The following APBB2 variants were observed in gnomAD, a reference collection of about 807,000 sequenced individuals.
APBB2 encodes amyloid beta precursor protein binding family B member 2.
Under a neutral mutation model 82.5 loss-of-function variants are expected in APBB2, and 38 were observed. That is an observed-to-expected ratio of 0.46 (90% CI 0.36 to 0.60). APBB2 has a LOEUF of 0.60. Ranked by LOEUF, APBB2 falls within the 20% of genes least tolerant of loss-of-function variation. The pLI, the probability that APBB2 is intolerant of heterozygous loss-of-function variation, is 0.00. For missense variants in APBB2, 772 were observed against 972.3 expected (o/e 0.79, Z 2.74); for synonymous variants, 341 against 368.2 (o/e 0.93, Z 0.85).
intron 12 of APBB2, among the ~76,000 whole-genome samples, chr4:40,865,078 G>A (rs1001529248): frequency 2.6e-5 from 4 of 151,928 alleles, no homozygotes; most frequent in East Asian, 1.9e-4. Context: ...GGCTGGTCTC[G>A]AACTCCTAAC....
intron 3 of APBB2, among the ~76,000 whole-genome samples, chr4:41,089,321 C>T (rs1356882818): frequency 6.6e-6 from 1 of 152,112 alleles, no homozygotes; most frequent in Non-Finnish European, 1.5e-5. Flanking sequence ...GTTAATCATC[C>T]CTAATCTGAA....
At chr4:41,025,724 G>C (rs1713764258) in intron 5 of APBB2, among the ~76,000 whole-genome samples, 1 of 151,906 alleles carries the variant, frequency 6.6e-6, no homozygotes, top group African/African-American at 2.4e-5. Flanking sequence ...TTTGAGACCA[G>C]CCTGGCCAAC....
intron 7 of APBB2, chr4:40,935,688 G>A (rs1233854500): frequency 6.6e-6 from 1 of 151,904 alleles, no homozygotes; most frequent in African/African-American, 2.4e-5. Flanking sequence ...ATCAACACTT[G>A]GCGGAAATTT....
chr4:41,000,053 GTA>G lies in APBB2; in HGVS notation c.835+13528_835+13529del, dbSNP rs540316031. Among the ~76,000 whole-genome samples the G allele has an allele frequency of 7.6e-3, 913 of 119,786 alleles. 33 individuals carry two copies. The highest frequency in any genetic ancestry group is 0.073 in the South Asian group (258 of 3,556). The allele number at this position is 119,786 out of a possible 152,430, so 78.6% of individuals were successfully genotyped here. ...AACGTGTGTGTGTGTGTATGTATAT[GTA>G]TATATATGTGTGTATGTGTGTGTGT... On this transcript the variant is annotated intron_variant, in intron 6 of 17. Transcript: ENST00000508593.
chr4:40,947,132 G>A (rs542605273), intron 6 of APBB2, among the ~76,000 whole-genome samples: 24 of 152,310 alleles, frequency 1.6e-4, no homozygotes, highest in African/African-American at 5.1e-4. Context: ...TTCAGGGGAC[G>A]AAGGGGTCAC....
intron 2 of APBB2, among the ~76,000 whole-genome samples, chr4:41,133,067 T>A (rs1025908151): frequency 5.9e-5 from 9 of 152,114 alleles, no homozygotes; most frequent in South Asian, 2.1e-4. Flanking sequence ...ATACCTTTTT[T>A]AAAAAAATTA....
chr4:41,095,005 A>G (rs1743045418), intron 3 of APBB2, among the ~76,000 whole-genome samples: 1 of 152,246 alleles, frequency 6.6e-6, no homozygotes, highest in South Asian at 2.1e-4. Flanking sequence ...TTACATAAAT[A>G]TGATCAATTC....
chr4:40,947,556 T>A (rs1788790992), intron 6 of APBB2, among the ~76,000 whole-genome samples: 1 of 152,254 alleles, frequency 6.6e-6, no homozygotes, highest in Non-Finnish European at 1.5e-5. Context: ...AGACTGTTTA[T>A]CTTCAATTAA....
intron 1 of APBB2, among the ~76,000 whole-genome samples, chr4:41,196,263 G>A: frequency 3.9e-5 from 6 of 151,986 alleles, no homozygotes; most frequent in African/African-American, 7.3e-5. Context: ...TGTCAATTAC[G>A]TACTATGGTT....
intron 1 of APBB2, among the ~76,000 whole-genome samples, chr4:41,212,745 A>AC (rs1294711117): frequency 6.6e-6 from 1 of 151,958 alleles, no homozygotes; most frequent in East Asian, 1.9e-4. Context: ...TTGTACTTGT[A>AC]CCCCACCACC....
At chr4:41,053,115 T>G (rs1482568276) in intron 4 of APBB2, among the ~76,000 whole-genome samples, 1 of 152,204 alleles carries the variant, frequency 6.6e-6, no homozygotes, top group Non-Finnish European at 1.5e-5. Context: ...TGCACATATT[T>G]TTATTTTTTA....
chr4:41,125,111 G>C (rs533101492), intron 2 of APBB2, among the ~76,000 whole-genome samples: 1 of 152,262 alleles, frequency 6.6e-6, no homozygotes, highest in South Asian at 2.1e-4. Flanking sequence ...AGGTGCTGCT[G>C]GAATTCAGGG....
chr4:40,978,260 C>T (rs558275154), intron 6 of APBB2, among the ~76,000 whole-genome samples: 1 of 152,326 alleles, frequency 6.6e-6, no homozygotes, highest in East Asian at 1.9e-4. Context: ...GGACATTTGG[C>T]TCCTACCTGA....
At chr4:40,827,339 G>T in intron 13 of APBB2, 120 bp from the exon 14 acceptor site, 1 of 753,428 alleles carries the variant, frequency 1.3e-6, no homozygotes, top group Non-Finnish European at 2.2e-6. Context: ...TTAGTCTATT[G>T]CCTGAAGTCC....
chr4:40,946,059 C>G (rs1295249310), intron 6 of APBB2, among the ~76,000 whole-genome samples: 1 of 151,972 alleles, frequency 6.6e-6, no homozygotes, highest in Non-Finnish European at 1.5e-5. Context: ...GTGGTGAAAG[C>G]CTGTCTCTAC....
At chr4:40,944,088 C>T (rs1463417702) in intron 7 of APBB2, among the ~76,000 whole-genome samples, 1 of 152,210 alleles carries the variant, frequency 6.6e-6, no homozygotes, top group Non-Finnish European at 1.5e-5. Flanking sequence ...TGGGCTTGTT[C>T]AAAGAACCAA....
intron 3 of APBB2, among the ~76,000 whole-genome samples, chr4:41,074,689 C>A (rs995913091): frequency 4.6e-5 from 7 of 151,222 alleles, no homozygotes; most frequent in South Asian, 2.1e-4. Flanking sequence ...GGCTCACTGC[C>A]AGCTCCGCCT....
At chr4:41,014,797 C>T (rs1809409232) in intron 5 of APBB2, among the ~76,000 whole-genome samples, 1 of 152,124 alleles carries the variant, frequency 6.6e-6, no homozygotes, top group Non-Finnish European at 1.5e-5. Flanking sequence ...CAGGCAACAA[C>T]AAAAAATTGC....
intron 3 of APBB2, among the ~76,000 whole-genome samples, chr4:41,085,270 G>T (rs74416355): frequency 9.7e-5 from 13 of 133,702 alleles, no homozygotes; most frequent in Admixed American, 7.4e-4. Flanking sequence ...AAAAAAAAAA[G>T]ACTGAAACTG....
Sources: allele counts gnomAD v4.1 joint callset (sites outside exome capture counted in the v4.1 genomes callset), GRCh38; gene constraint gnomAD v4.1.1; transcripts MANE v1.5; gene names NCBI Gene and HGNC (gene_info 2026-07-23, HGNC 2026-07-21).